Variants in SEMA5A observed in about 807,000 individuals in gnomAD.
SEMA5A encodes the protein semaphorin-5A.
A neutral mutation model predicts 135.5 loss-of-function variants in SEMA5A; 55 were observed. The ratio of observed to expected loss-of-function variants is 0.41; its 90% CI spans 0.33 to 0.51. The LOEUF is 0.51. Among genes scored for constraint, SEMA5A ranks in the 20% least tolerant of loss-of-function variants. The pLI, the probability that SEMA5A is intolerant of heterozygous loss-of-function variation, is 0.37. For synonymous variants in SEMA5A, 580 were observed against 546.5 expected, an observed-to-expected ratio of 1.06 and a Z score of -0.85; for missense variants, 1,290 against 1,419.9, an observed-to-expected ratio of 0.91 and a Z score of 1.47.
At chr5:9,201,902 C>T (rs1457488835) in intron 9 of SEMA5A, 53 bp downstream of exon 9, 1 of 1,525,272 alleles carries the variant, frequency 6.6e-7, no homozygotes, top group Non-Finnish European at 9.0e-7. Flanking sequence ...GAACAGAAGA[C>T]TTATTCAGAA....
chr5:9,525,527 C>T lies in SEMA5A; in HGVS notation c.-175+20057G>A, dbSNP rs572188014. On this transcript the variant is annotated intron_variant, in intron 1 of 22. Coordinates refer to ENST00000382496, the MANE Select transcript of SEMA5A (RefSeq NM_003966.3). Reference sequence around the variant, plus strand: ...GAAGGGACAAGGACCCAGGGGATGGCGAGGATGATAATGGCTGTACTGGCC... The same window carrying T: ...GAAGGGACAAGGACCCAGGGGATGGTGAGGATGATAATGGCTGTACTGGCC... Among the ~76,000 whole-genome samples the T allele has an allele frequency of 5.4e-4, 82 of 152,310 alleles. 1 individual carries two copies. Among genetic ancestry groups the T allele is most frequent in the African/African-American group, 1.8e-3 (76 of 41,560 alleles).
rs374540330 is a variant in SEMA5A at position 9,085,458 on chromosome 5, T to G, written c.2074-18812A>C. On this transcript the variant is annotated intron_variant, in intron 16 of 22. Transcript: ENST00000382496. ...TCCTGCATCCCAGCCACTCTAGCCA[T>G]GGCTGAAAGGGGCCAACATAGAGCT... Among the ~76,000 whole-genome samples the G allele has an allele frequency of 6.6e-5, 10 of 152,256 alleles. No individual in the cohort carries two copies. In the East Asian group the frequency reaches 1.6e-3, roughly 24 times the overall value.
At chr5:9,113,617 C>T (rs1740359837) in intron 15 of SEMA5A, among the ~76,000 whole-genome samples, 1 of 152,040 alleles carries the variant, frequency 6.6e-6, no homozygotes, top group Non-Finnish European at 1.5e-5. Flanking sequence ...AAGACAAAAA[C>T]ACAATTAGAA....
At position 9,379,756 on chromosome 5, in the gene SEMA5A, T is replaced by C; in HGVS notation, c.124+67A>G. On this transcript the variant is annotated intron_variant, in intron 3 of 22. Transcript: ENST00000382496. ...CAGCATTCGTGATGCTCTATTATCT[T>C]CTATCACTAAACACAGAATGTGCAT... 1.9e-6 allele frequency: 3 copies of C among 1,572,220 alleles called. No homozygotes were observed. In the East Asian group the frequency reaches 6.8e-5, roughly 35 times the overall value.
At chr5:9,199,758 C>A (rs1402926479) in intron 9 of SEMA5A, among the ~76,000 whole-genome samples, 1 of 152,214 alleles carries the variant, frequency 6.6e-6, no homozygotes, top group East Asian at 1.9e-4. Context: ...ACACTATAAA[C>A]AACTACAATG....
chr5:9,541,640 G>T (rs1738097408), intron 1 of SEMA5A, among the ~76,000 whole-genome samples: 1 of 152,142 alleles, frequency 6.6e-6, no homozygotes, highest in Non-Finnish European at 1.5e-5. Context: ...TGTAGGAAAG[G>T]GAAATAAAGT....
intron 3 of SEMA5A, among the ~76,000 whole-genome samples, chr5:9,348,088 T>C (rs1753956041): frequency 6.6e-6 from 1 of 152,156 alleles, no homozygotes; most frequent in African/African-American, 2.4e-5. Flanking sequence ...TTCCGAGTCA[T>C]TCAAGGGTTG....
intron 8 of SEMA5A, among the ~76,000 whole-genome samples, chr5:9,205,293 C>A (rs1304649127): frequency 6.6e-6 from 1 of 151,896 alleles, no homozygotes; most frequent in Non-Finnish European, 1.5e-5. Flanking sequence ...AAACTTTAAA[C>A]CACAGTTATC....
At chr5:9,267,312 G>A (rs571893922) in intron 5 of SEMA5A, among the ~76,000 whole-genome samples, 5 of 152,094 alleles carry the variant, frequency 3.3e-5, no homozygotes, top group African/African-American at 9.6e-5. Context: ...CCTCTATATC[G>A]CGCTATCAAG....
At chr5:9,177,767 T>C (rs1419574394) in intron 11 of SEMA5A, among the ~76,000 whole-genome samples, 1 of 152,212 alleles carries the variant, frequency 6.6e-6, no homozygotes, top group Non-Finnish European at 1.5e-5. Flanking sequence ...GATTTTGACT[T>C]TGAACCCAGC....
At chr5:9,220,556 A>G (rs1439450952) in intron 8 of SEMA5A, among the ~76,000 whole-genome samples, 1 of 152,200 alleles carries the variant, frequency 6.6e-6, no homozygotes, top group Non-Finnish European at 1.5e-5. Context: ...GAAAAAAACA[A>G]CAAAAAAAAT....
intron 2 of SEMA5A, among the ~76,000 whole-genome samples, chr5:9,434,988 G>A (rs1757980173): frequency 6.6e-6 from 1 of 152,174 alleles, no homozygotes; most frequent in African/African-American, 2.4e-5. Flanking sequence ...ATATAGTAGA[G>A]AGTCAAATAT....
chr5:9,166,228 C>A lies in SEMA5A; in HGVS notation c.1274-11533G>T, dbSNP rs572061439. ...ATGCAGCCTGCCTTGTTCACTGTGACCCTGTTGGTTTCCAGAACAAAGCCT... is the reference window on the plus strand; with the variant it reads ...ATGCAGCCTGCCTTGTTCACTGTGAACCTGTTGGTTTCCAGAACAAAGCCT... On this transcript the variant is annotated intron_variant, in intron 11 of 22. Transcript: ENST00000382496. 2.0e-5 allele frequency among the ~76,000 whole-genome samples: 3 copies of A among 152,236 alleles called. No individual in the cohort carries two copies. In the South Asian group the frequency reaches 6.2e-4, roughly 32 times the overall value.
intron 2 of SEMA5A, among the ~76,000 whole-genome samples, chr5:9,434,520 A>G (rs1456699487): frequency 6.6e-6 from 1 of 152,126 alleles, no homozygotes; most frequent in Non-Finnish European, 1.5e-5. Context: ...TCCAGAGATA[A>G]TCTCTGTTTA....
intron 5 of SEMA5A, among the ~76,000 whole-genome samples, chr5:9,259,319 G>T (rs569000639): frequency 2.6e-5 from 4 of 152,284 alleles, no homozygotes; most frequent in African/African-American, 7.2e-5. Flanking sequence ...CACTTTGGGG[G>T]AGATTTAAAA....
intron 3 of SEMA5A, among the ~76,000 whole-genome samples, chr5:9,372,766 C>T (rs1234851127): frequency 2.0e-5 from 3 of 152,090 alleles, no homozygotes; most frequent in African/African-American, 7.2e-5. Context: ...ATGAGACACA[C>T]ATGCACGGAG....
At chr5:9,201,127 G>A (rs903001205) in intron 9 of SEMA5A, among the ~76,000 whole-genome samples, 2 of 152,180 alleles carry the variant, frequency 1.3e-5, no homozygotes, top group South Asian at 4.1e-4. Flanking sequence ...AGAACCCATA[G>A]TGTAGGATCA....
intron 5 of SEMA5A, among the ~76,000 whole-genome samples, chr5:9,272,767 G>C (rs1470632295): frequency 1.3e-5 from 2 of 152,160 alleles, no homozygotes; most frequent in Non-Finnish European, 2.9e-5. Context: ...CTGCAGAAGA[G>C]GGGCCTGAAT....
chr5:9,362,756 A>G (rs1754753451), intron 3 of SEMA5A, among the ~76,000 whole-genome samples: 1 of 152,226 alleles, frequency 6.6e-6, no homozygotes, highest in African/African-American at 2.4e-5. Flanking sequence ...GTATGCTCTC[A>G]TGTCTAGATG....
Sources: allele counts gnomAD v4.1 joint callset (sites outside exome capture counted in the v4.1 genomes callset), GRCh38; gene constraint gnomAD v4.1.1; transcripts MANE v1.5; gene names NCBI Gene and HGNC (gene_info 2026-07-23, HGNC 2026-07-21).